The following PCDHA6 variants were observed in gnomAD, a reference collection of about 807,000 sequenced individuals.
PCDHA6 encodes the protein protocadherin alpha-6.
A neutral mutation model predicts 60.3 loss-of-function variants in PCDHA6; 55 were observed. That is an observed-to-expected ratio of 0.91 (90% confidence interval 0.73 to 1.14). PCDHA6 has a LOEUF of 1.14. Among genes scored for constraint, PCDHA6 ranks in the 50% most tolerant of loss-of-function variants. PCDHA6 has a pLI of 0.00. For missense variants in PCDHA6, 1,327 were observed against 1,256.5 expected (o/e 1.06, Z -0.85); for synonymous variants, 652 against 557.9 (o/e 1.17, Z -2.38).
At chr5:140,881,277 A>G (rs1370714709) in intron 1 of PCDHA6, 5 of 731,680 alleles carry the variant, frequency 6.8e-6, no homozygotes, top group Non-Finnish European at 8.4e-6. Flanking sequence ...ATGAAGTAAG[A>G]TGGAGAGAGA....
intron 3 of PCDHA6, among the ~76,000 whole-genome samples, chr5:141,001,133 A>G (rs2097993653): frequency 6.6e-6 from 1 of 152,034 alleles, no homozygotes; most frequent in Non-Finnish European, 1.5e-5. Flanking sequence ...AAACAAATGA[A>G]TCTTCTGTTG....
At chr5:140,911,030 C>A (rs995736934) in intron 1 of PCDHA6, among the ~76,000 whole-genome samples, 1 of 152,066 alleles carries the variant, frequency 6.6e-6, no homozygotes, top group East Asian at 1.9e-4. Context: ...AGTTATAGGT[C>A]TAGAAGCAAA....
chr5:140,851,081 A>G, intron 1 of PCDHA6: 1 of 1,303,802 alleles, frequency 7.7e-7, no homozygotes, highest in Non-Finnish European at 1.0e-6. Flanking sequence ...TATAAACTGT[A>G]TATTAAATAG....
rs1364522984 is a variant in PCDHA6 at position 140,856,543 on chromosome 5, A to G, written c.2394+26058A>G. 5.0e-6 allele frequency: 8 copies of G among 1,598,190 alleles called. No homozygotes were observed. In the African/African-American group the frequency reaches 6.7e-5, roughly 13 times the overall value. The stretch of plus-strand genomic sequence containing the variant: ...CTGATGCGGATGTTGGAGAGAACGC[A>G]TTGCTTACTTACAAACTCAGTCCAA... On this transcript the variant is annotated intron_variant, in intron 1 of 3. Transcript: ENST00000529310.
At position 140,828,220 on chromosome 5, in the gene PCDHA6, C is replaced by T. The variant is rs1181528476; in HGVS notation, c.129C>T (p.Thr43=). 3 of 1,613,934 alleles carry T rather than the reference C, an allele frequency of 1.9e-6. No homozygotes were observed. Among genetic ancestry groups the T allele is most frequent in the Non-Finnish European group, 1.7e-6 (2 of 1,180,064 alleles). The change falls in exon 1 of 4, where the codon ACC becomes ACT. Residue 43 remains threonine, a synonymous_variant. Transcript: ENST00000529310. ...TACCCGAGGAGGCCAAACACGGCACCTTCGTGGGCCGGATCGCGCAGGACC... is the reference window on the plus strand; with the variant it reads ...TACCCGAGGAGGCCAAACACGGCACTTTCGTGGGCCGGATCGCGCAGGACC... ...YSVPEEAKHG[T]FVGRIAQDLG... is the part of the protein sequence containing the mutation.
chr5:140,870,908 A>G, intron 1 of PCDHA6: 1 of 1,613,928 alleles, frequency 6.2e-7, no homozygotes, highest in Non-Finnish European at 8.5e-7. Flanking sequence ...GACTCAGGCT[A>G]CAACGCGTGG....
intron 2 of PCDHA6, among the ~76,000 whole-genome samples, chr5:140,979,611 C>T (rs549836811): frequency 5.9e-5 from 9 of 152,266 alleles, no homozygotes; most frequent in South Asian, 2.1e-4. Flanking sequence ...CCTAGAGTAA[C>T]GGTATTAGTC....
chr5:140,999,040 G>A (rs1450256691), intron 3 of PCDHA6, among the ~76,000 whole-genome samples: 2 of 152,218 alleles, frequency 1.3e-5, no homozygotes, highest in African/African-American at 2.4e-5. Context: ...TTCGTCCAGT[G>A]TGCTTTCCAC....
chr5:140,978,865 A>G, intron 1 of PCDHA6, 84 bp from the exon 2 acceptor site: 1 of 1,602,026 alleles, frequency 6.2e-7, no homozygotes, highest in South Asian at 1.1e-5. Flanking sequence ...GAAATATTTA[A>G]GGGAGTAACT....
intron 1 of PCDHA6, chr5:140,967,333 C>T (rs113984883): frequency 1.9e-6 from 3 of 1,608,148 alleles, no homozygotes; most frequent in Admixed American, 1.7e-5. Context: ...AGCTCAGCCC[C>T]AGCGAGCACT....
intron 1 of PCDHA6, among the ~76,000 whole-genome samples, chr5:140,903,619 A>T (rs1272385465): frequency 1.3e-5 from 2 of 152,226 alleles, no homozygotes; most frequent in African/African-American, 2.4e-5. Flanking sequence ...ATGAATGTGC[A>T]TGCATATGTA....
chr5:140,835,638 T>C, intron 1 of PCDHA6: 1 of 1,613,926 alleles, frequency 6.2e-7, no homozygotes, highest in Non-Finnish European at 8.5e-7. Context: ...CGAGAGTGTG[T>C]CCGCCTATGA....
chr5:140,850,440 G>A (rs2150484697), intron 1 of PCDHA6: 3 of 1,598,068 alleles, frequency 1.9e-6, no homozygotes, highest in South Asian at 1.1e-5. Flanking sequence ...GCGCCTACTG[G>A]TGCTGGTGAA....
intron 3 of PCDHA6, among the ~76,000 whole-genome samples, chr5:140,996,144 T>C (rs2097714056): frequency 6.6e-6 from 1 of 152,210 alleles, no homozygotes; most frequent in African/African-American, 2.4e-5. Context: ...TCCCATTATC[T>C]TGCCTTCCTT....
At chr5:140,855,628 C>T (rs1199061647) in intron 1 of PCDHA6, among the ~76,000 whole-genome samples, 1 of 149,588 alleles carries the variant, frequency 6.7e-6, no homozygotes, top group Non-Finnish European at 1.5e-5. Flanking sequence ...TTTTGAAATT[C>T]GGCTATTGAT....
At chr5:140,916,760 G>A (rs1387005871) in intron 1 of PCDHA6, among the ~76,000 whole-genome samples, 1 of 152,180 alleles carries the variant, frequency 6.6e-6, no homozygotes, top group Non-Finnish European at 1.5e-5. Context: ...ATTAGGGGAG[G>A]GGTGGCACAA....
At chr5:140,928,576 A>G in intron 1 of PCDHA6, 1 of 1,614,160 alleles carries the variant, frequency 6.2e-7, no homozygotes, top group South Asian at 1.1e-5. Flanking sequence ...CTTGCCCAGA[A>G]ATGGTTCTGT....
chr5:140,980,360 G>A (rs1173525969), intron 2 of PCDHA6, among the ~76,000 whole-genome samples: 4 of 152,142 alleles, frequency 2.6e-5, no homozygotes, highest in Middle Eastern at 3.2e-3. Context: ...GACTGGGCGC[G>A]GTGGCTCACA....
intron 1 of PCDHA6, among the ~76,000 whole-genome samples, chr5:140,941,270 T>C (rs1437273239): frequency 1.2e-4 from 17 of 136,774 alleles, no homozygotes; most frequent in Admixed American, 2.3e-4. Flanking sequence ...TCTTTCTTTC[T>C]TTCCTTCCTT....
Sources: gnomAD v4.1 joint callset for allele counts (sites outside exome capture counted in the v4.1 genomes callset) on GRCh38, gnomAD v4.1.1 for gene constraint, MANE v1.5 for transcripts, NCBI Gene and HGNC (gene_info 2026-07-23, HGNC 2026-07-21) for gene names.